Variants in TP53BP1 observed in about 807,000 individuals in gnomAD.
TP53BP1 encodes the protein tumor protein p53 binding protein 1, also known as TP53-binding protein 1.
In TP53BP1, 61 loss-of-function variants were observed where a neutral mutation model predicts 200.8. The observed-to-expected ratio is 0.30, with a 90% CI of 0.25 to 0.38. The LOEUF is 0.38. Ranked by LOEUF, TP53BP1 falls within the 10% of genes least tolerant of loss-of-function variation. The pLI is 1.00. For missense variants in TP53BP1, 2,144 were observed against 2,371.9 expected (o/e 0.90, Z 2.00); for synonymous variants, 822 against 844.3 (o/e 0.97, Z 0.46).
At chr15:43,453,351 C>A (rs923413150) in intron 12 of TP53BP1, among the ~76,000 whole-genome samples, 1 of 151,944 alleles carries the variant, frequency 6.6e-6, no homozygotes, top group Non-Finnish European at 1.5e-5. Context: ...TCACATTGTT[C>A]TTCACTACAG....
chr15:43,507,127 T>G (rs2079241493), intron 1 of TP53BP1, among the ~76,000 whole-genome samples: 1 of 152,094 alleles, frequency 6.6e-6, no homozygotes, highest in African/African-American at 2.4e-5. Context: ...GTTTGTGCAT[T>G]TTGTCCAATT....
rs527520016 is a variant in TP53BP1, at chr15:43,405,545, G to A, written c.*1838C>T. The stretch of plus-strand genomic sequence containing the variant: ...CTGTTCAAGCTGTGGGAGATACAGC[G>A]GTAAACAAACAATATAGAGCAGAAA... On this transcript the variant is annotated 3_prime_UTR_variant, in exon 28 of 28. Coordinates refer to ENST00000382044, the MANE Select transcript of TP53BP1 (RefSeq NM_001141980.3). 55 of 314,600 alleles carry A rather than the reference G, an allele frequency of 1.7e-4. 1 individual carries two copies. The highest frequency in any genetic ancestry group is 3.4e-4 in the African/African-American group (16 of 47,000). The allele number at this position is 314,600 out of a possible 1,614,324, so 19.5% of individuals were successfully genotyped here.
At position 43,509,876 on chromosome 15, in the gene TP53BP1, CAAAA is replaced by C. The variant is rs373145185; in HGVS notation, c.-9+490_-9+493del. 5.9e-4 allele frequency among the ~76,000 whole-genome samples: 90 copies of C among 151,834 alleles called. 1 individual carries two copies. The East Asian group carries it at 0.011, about 18-fold the overall frequency. The stretch of plus-strand genomic sequence containing the variant: ...CAAAAAACAAAACAAAACAAAAAAA[CAAAA>C]AAACAAGTGCTGCTGGAGCCCTAGG... On this transcript the variant is annotated intron_variant, in intron 1 of 27. Coordinates refer to the TP53BP1 transcript ENST00000263801.
chr15:43,404,030 T>G lies in TP53BP1; in HGVS notation c.*3353A>C, dbSNP rs2044771009. The G allele has an allele frequency of 5.4e-6, 3 of 555,852 alleles. No individual in the cohort carries two copies. The highest frequency in any genetic ancestry group is 9.6e-6 in the Non-Finnish European group (3 of 312,226). 34.4% of individuals were successfully genotyped at this position (555,852 alleles called of 1,614,324 possible). Reference sequence around the variant, plus strand: ...AGTCCTGAATAGTTTATTCAGCCCATCAAATAAGCATTGGGTTGTTCTAAC... The same window carrying G: ...AGTCCTGAATAGTTTATTCAGCCCAGCAAATAAGCATTGGGTTGTTCTAAC... On this transcript the variant is annotated 3_prime_UTR_variant, in exon 28 of 28. Transcript: ENST00000382044.
chr15:43,420,528 A>G lies in TP53BP1; in HGVS notation c.4458T>C (p.Ser1486=), dbSNP rs757219877. 6.2e-7 allele frequency: 1 copy of G among 1,614,142 alleles called. No individual in the cohort carries two copies. Among genetic ancestry groups the G allele is most frequent in the Non-Finnish European group, 8.5e-7 (1 of 1,180,034 alleles). Residue 1486 remains serine (S), a synonymous_variant, in exon 21 of 28, where the codon TCT becomes TCC. Transcript: ENST00000382044. ...AGPSDGLDAS[S]PGNSFVGLRV... is the part of the protein sequence containing the mutation. ...GGAGCCCTACAAAGCTATTTCCTGGAGAGGAGGCATCTAAGCCATCAGAAG... is the reference window on the plus strand; with the variant it reads ...GGAGCCCTACAAAGCTATTTCCTGGGGAGGAGGCATCTAAGCCATCAGAAG...
intron 4 of TP53BP1, among the ~76,000 whole-genome samples, chr15:43,488,691 T>C (rs1186182070): frequency 6.6e-6 from 1 of 152,094 alleles, no homozygotes; most frequent in African/African-American, 2.4e-5. Context: ...GTCAAGAGTT[T>C]AAGACCAGCC....
chr15:43,448,396 T>C (rs191306587), intron 12 of TP53BP1, among the ~76,000 whole-genome samples: 519 of 152,306 alleles, frequency 3.4e-3, no homozygotes, highest in Non-Finnish European at 5.0e-3. Context: ...CTTACTTTCC[T>C]GGGATGGCTC....
intron 14 of TP53BP1, among the ~76,000 whole-genome samples, chr15:43,444,430 G>A (rs922577265): frequency 1.1e-4 from 16 of 152,058 alleles, no homozygotes; most frequent in African/African-American, 3.1e-4. Flanking sequence ...TATTTATTCC[G>A]GAAAAGATGA....
chr15:43,404,329 A>G lies in TP53BP1; in HGVS notation c.*3054T>C. 6.5e-7 allele frequency: 1 copy of G among 1,540,280 alleles called. No individual in the cohort carries two copies. Among genetic ancestry groups the G allele is most frequent in the South Asian group, 1.2e-5 (1 of 81,670 alleles). On this transcript the variant is annotated 3_prime_UTR_variant, in exon 28 of 28. Transcript: ENST00000382044. ...TAGAATTTTGAACAAGGCTTTTCCAAGAAACTCCTCCCTCCGCCCCCATCC... is the reference window on the plus strand; with the variant it reads ...TAGAATTTTGAACAAGGCTTTTCCAGGAAACTCCTCCCTCCGCCCCCATCC...
rs919912024 is a variant in TP53BP1 at position 43,477,699 on chromosome 15, C to A, written c.849G>T (p.Gln283His). 2 of 1,613,438 alleles carry A rather than the reference C, an allele frequency of 1.2e-6. No homozygotes were observed. The highest frequency in any genetic ancestry group is 1.7e-6 in the Non-Finnish European group (2 of 1,179,736). Reference sequence around the variant, plus strand: ...TTTCCATAAGTTCTTGTGCAGACAACTGTTCTTTTGCTTCCATAGCAGCAA... The same window carrying A: ...TTTCCATAAGTTCTTGTGCAGACAAATGTTCTTTTGCTTCCATAGCAGCAA... ...ASVAAMEAKE[Q>H]LSAQELMESG... Residue 283 changes from glutamine (Q) to histidine (H), a missense_variant, in exon 8 of 28, where the codon CAG becomes CAT. Around this residue, in one of 4 missense-constraint regions of TP53BP1, gnomAD observed 1,700 missense variants for 1,710.3 expected, o/e 0.99. Coordinates refer to ENST00000382044, the MANE Select transcript of TP53BP1 (RefSeq NM_001141980.3).
intron 1 of TP53BP1, chr15:43,510,255 C>T (rs555572314): frequency 1.3e-5 from 2 of 152,500 alleles, no homozygotes; most frequent in South Asian, 4.1e-4. Flanking sequence ...GAAGGTCTTT[C>T]CTAGGTTTTA....
At chr15:43,487,650 A>T (rs2079064385) in intron 4 of TP53BP1, among the ~76,000 whole-genome samples, 1 of 152,068 alleles carries the variant, frequency 6.6e-6, no homozygotes, top group Non-Finnish European at 1.5e-5. Context: ...AAAATTAGCC[A>T]GGCGTGATGG....
intron 11 of TP53BP1, among the ~76,000 whole-genome samples, chr15:43,464,839 C>T (rs540682026): frequency 2.0e-5 from 3 of 151,784 alleles, no homozygotes; most frequent in East Asian, 3.9e-4. Flanking sequence ...ACCTGGGAGG[C>T]GAAGGTTGCA....
chr15:43,480,268 T>G (rs932280246), intron 5 of TP53BP1, among the ~76,000 whole-genome samples: 1 of 152,066 alleles, frequency 6.6e-6, no homozygotes. Flanking sequence ...GCCAACATGG[T>G]GAAACCCCAT....
rs2045046597 is a variant in TP53BP1, at chr15:43,409,666, T to G, written c.5381A>C (p.Glu1794Ala). The change falls in exon 25 of 28, where the codon GAA (glutamate) becomes GCA (alanine). Residue 1794 changes from glutamate (E) to alanine (A), a missense_variant. Physicochemically the swap from Glu to Ala is moderately radical, Grantham distance 107 (BLOSUM62 -1). This residue lies in a region of TP53BP1 where 334 missense variants were observed against 453.4 expected (regional missense o/e 0.74). Transcript: ENST00000382044. Reference protein sequence around the residue: ...QLRAGAGYILEDFNEAQCNTA... With the variant: ...QLRAGAGYILADFNEAQCNTA... ...CCTCACCTGGGCTTCATTGAAATCT[T>G]CAAGGATATAGCCAGCTCCTGCTCG... is the stretch of plus-strand genomic sequence containing the variant. 1.9e-6 allele frequency: 3 copies of G among 1,562,016 alleles called. No homozygotes were observed. In the African/African-American group the frequency reaches 4.2e-5, roughly 22 times the overall value.
chr15:43,429,492 A>T (rs1486787509), intron 17 of TP53BP1, among the ~76,000 whole-genome samples: 1 of 152,220 alleles, frequency 6.6e-6, no homozygotes, highest in Non-Finnish European at 1.5e-5. Context: ...GTATCAAAGT[A>T]GCCAAGTCTT....
rs561125462 is a variant in TP53BP1, at chr15:43,432,180, G to A, written c.3675+14C>T. Reference sequence around the variant, plus strand: ...AAAACAAGGCCTCTGATGCACCCTAGTATGTTCTCTCACCTGGCTATGGAG... The same window carrying A: ...AAAACAAGGCCTCTGATGCACCCTAATATGTTCTCTCACCTGGCTATGGAG... On this transcript the variant is annotated intron_variant, in intron 17 of 27. Transcript: ENST00000382044. The A allele has an allele frequency of 4.1e-5, 66 of 1,611,290 alleles. No homozygotes were observed. In the South Asian group the frequency reaches 6.5e-4, roughly 16 times the overall value.
At chr15:43,477,136 T>C (rs1037413754) in intron 8 of TP53BP1, among the ~76,000 whole-genome samples, 4 of 151,828 alleles carry the variant, frequency 2.6e-5, no homozygotes, top group Non-Finnish European at 5.9e-5. Context: ...CCATCTCTAC[T>C]AAAAATACAA....
At chr15:43,447,125 T>G (rs1566939118) in intron 13 of TP53BP1, 1 of 498,998 alleles carries the variant, frequency 2.0e-6, no homozygotes, top group Non-Finnish European at 3.6e-6. Flanking sequence ...AGTAATAAGA[T>G]AAAATTCTTT....
Sources: allele counts gnomAD v4.1 joint callset (sites outside exome capture counted in the v4.1 genomes callset), GRCh38; gene constraint gnomAD v4.1.1; regional missense constraint gnomAD v4.1.1; transcripts MANE v1.5; gene names NCBI Gene and HGNC (gene_info 2026-07-23, HGNC 2026-07-21).